The following CAND2 variants were observed in gnomAD, a reference collection of about 807,000 sequenced individuals.
The protein encoded by CAND2 is cullin-associated NEDD8-dissociated protein 2.
Under a neutral mutation model 98.9 loss-of-function variants are expected in CAND2, and 62 were observed. The observed-to-expected ratio is 0.63, with a 90% CI of 0.51 to 0.77. CAND2 has a LOEUF of 0.77. CAND2 is among the 30% of genes least tolerant of loss of function. The pLI is 0.00. For missense variants in CAND2, 1,501 were observed against 1,655.2 expected, an observed-to-expected ratio of 0.91 and a Z score of 1.62; for synonymous variants, 770 against 731.9, an observed-to-expected ratio of 1.05 and a Z score of -0.84.
Position 12,817,184 on chromosome 3 carries a change from C to G in CAND2, c.2252C>G (p.Ala751Gly). 6.2e-7 allele frequency: 1 copy of G among 1,613,242 alleles called. No homozygotes were observed. Among genetic ancestry groups the G allele is most frequent in the South Asian group, 1.1e-5 (1 of 91,074 alleles). ...LRLLRSPLLPAGVLAAAEGFL... is the reference protein window; with the variant it reads ...LRLLRSPLLPGGVLAAAEGFL... Reference sequence around the variant, plus strand: ...CTGCTGCGTTCGCCCCTGTTGCCAGCCGGGGTTCTGGCAGCTGCTGAAGGC... The same window carrying G: ...CTGCTGCGTTCGCCCCTGTTGCCAGGCGGGGTTCTGGCAGCTGCTGAAGGC... The change falls in exon 10 of 15, where the codon GCC becomes GGC. Residue 751 changes from alanine (A) to glycine (G), a missense_variant. Transcript: ENST00000456430.
intron 5 of CAND2, among the ~76,000 whole-genome samples, chr3:12,810,752 C>T (rs1169407138): frequency 6.6e-6 from 1 of 152,212 alleles, no homozygotes; most frequent in Non-Finnish European, 1.5e-5. Flanking sequence ...TTAGTAACAG[C>T]CCATGAGCCA....
intron 1 of CAND2, among the ~76,000 whole-genome samples, chr3:12,798,973 C>G (rs1474744168): frequency 6.6e-6 from 1 of 152,160 alleles, no homozygotes; most frequent in African/African-American, 2.4e-5. Flanking sequence ...ACCTTTGTTT[C>G]CTGTTCTTCC....
At chr3:12,823,830 A>G (rs4684115) in intron 11 of CAND2, among the ~76,000 whole-genome samples, 106,175 of 151,370 alleles carry the variant, frequency 0.7, 37,730 homozygotes, top group African/African-American at 0.82. Flanking sequence ...CCGGGAGATG[A>G]AGGTTGCAGT....
At position 12,813,292 on chromosome 3, in the gene CAND2, T is replaced by C; in HGVS notation, c.910T>C (p.Cys304Arg). ...GPHVPNVTSL[C>R]LQYIKHDPNY... Reference sequence around the variant, plus strand: ...TCACGTGCCCAACGTGACCAGCCTCTGCCTCCAATACATAAAACACGACCC... The same window carrying C: ...TCACGTGCCCAACGTGACCAGCCTCCGCCTCCAATACATAAAACACGACCC... Residue 304 changes from cysteine to arginine, a missense_variant, in exon 7 of 15, where the codon TGC becomes CGC. By Grantham distance (180) the Cys-to-Arg change is radical. Coordinates refer to ENST00000456430, the MANE Select transcript of CAND2 (RefSeq NM_001162499.2). 1.2e-6 allele frequency: 2 copies of C among 1,614,044 alleles called. No homozygotes were observed. The highest frequency in any genetic ancestry group is 2.2e-5 in the South Asian group (2 of 91,064).
rs955937933 is a variant in CAND2 at position 12,816,473 on chromosome 3, C to T, written c.1541C>T (p.Ala514Val). The change falls in exon 10 of 15, where the codon GCC becomes GTC. Residue 514 changes from alanine to valine, a missense_variant. Physicochemically the swap from Ala to Val is moderately conservative, Grantham distance 64. Around this residue, in one of 3 missense-constraint regions of CAND2, gnomAD observed 1,427 missense variants for 1,545.3 expected, o/e 0.92. Transcript: ENST00000456430. ...QGLLGTEPAE[A>V]FHPHLPILLP... ...CTGCTGGGCACCGAACCAGCTGAGG[C>T]CTTCCACCCACACTTGCCTATCCTC... is the stretch of plus-strand genomic sequence containing the variant. 5.0e-6 allele frequency: 8 copies of T among 1,613,978 alleles called. No individual in the cohort carries two copies. The highest frequency in any genetic ancestry group is 6.8e-6 in the Non-Finnish European group (8 of 1,179,984).
At position 12,810,256 on chromosome 3, in the gene CAND2, G is replaced by T; in HGVS notation, c.689G>T (p.Ser230Ile). 1 of 1,515,704 alleles carries T rather than the reference G, an allele frequency of 6.6e-7. No homozygotes were observed. The highest frequency in any genetic ancestry group is 8.8e-7 in the Non-Finnish European group (1 of 1,134,138). The allele number at this position is 1,515,704 out of a possible 1,614,324, so 93.9% of individuals were successfully genotyped here. A position where few individuals can be genotyped will look rare whatever the true frequency, so the allele number is the denominator to read the frequency against. Residue 230 changes from serine to isoleucine, a missense_variant, in exon 5 of 15, where the codon AGC becomes ATC. Around this residue, in one of 3 missense-constraint regions of CAND2, gnomAD observed 1,427 missense variants for 1,545.3 expected, o/e 0.92. Transcript: ENST00000456430. ...DRLPGPRVPT[S>I]PTAIRTLIQC... ...CTGCCCGGCCCGCGGGTGCCCACCA[G>T]CCCGACTGCCATCCGCACCCTGATC...
chr3:12,819,761 C>T, intron 10 of CAND2, among the ~76,000 whole-genome samples: 1 of 152,284 alleles, frequency 6.6e-6, no homozygotes, highest in South Asian at 2.1e-4. Flanking sequence ...TGTTAGGACT[C>T]ATTGAGATAA....
At chr3:12,825,060 T>C (rs530404403) in intron 11 of CAND2, among the ~76,000 whole-genome samples, 7 of 152,318 alleles carry the variant, frequency 4.6e-5, no homozygotes, top group African/African-American at 1.7e-4. Flanking sequence ...CCGTGCTGTG[T>C]GCCAGGCACT....
Position 12,813,277 on chromosome 3 carries a change from A to G in CAND2, c.895A>G (p.Asn299Asp). 6.2e-7 allele frequency: 1 copy of G among 1,613,864 alleles called. No homozygotes were observed. The highest frequency in any genetic ancestry group is 8.5e-7 in the Non-Finnish European group (1 of 1,179,988). Residue 299 changes from asparagine (N) to aspartate (D), a missense_variant, in exon 7 of 15, where the codon AAC becomes GAC. By Grantham distance (23) the Asn-to-Asp change is conservative (BLOSUM62 1). Transcript: ENST00000456430. ...CAAGGAAATGGGTCCTCACGTGCCC[A>G]ACGTGACCAGCCTCTGCCTCCAATA... is the stretch of plus-strand genomic sequence containing the variant. ...CPKEMGPHVP[N>D]VTSLCLQYIK...
At chr3:12,829,085 T>C (rs939598633) in intron 13 of CAND2, among the ~76,000 whole-genome samples, 4 of 152,220 alleles carry the variant, frequency 2.6e-5, no homozygotes, top group Non-Finnish European at 5.9e-5. Flanking sequence ...AATTGCTGGA[T>C]CATACGGCAA....
At chr3:12,810,559 C>T (rs1329792066) in intron 5 of CAND2, among the ~76,000 whole-genome samples, 1 of 152,186 alleles carries the variant, frequency 6.6e-6, no homozygotes, top group East Asian at 1.9e-4. Context: ...GCTTGAGAGG[C>T]GCAGGGCGGG....
At chr3:12,806,712 T>C (rs988606065) in intron 2 of CAND2, among the ~76,000 whole-genome samples, 2 of 152,200 alleles carry the variant, frequency 1.3e-5, no homozygotes, top group Admixed American at 6.5e-5. Flanking sequence ...TTCCTGTGCA[T>C]TGGAATCACC....
At chr3:12,822,605 A>G (rs2061966315) in intron 11 of CAND2, among the ~76,000 whole-genome samples, 1 of 151,970 alleles carries the variant, frequency 6.6e-6, no homozygotes, top group Non-Finnish European at 1.5e-5. Context: ...AGCCTCCATC[A>G]TTCTCTTAAG....
intron 1 of CAND2, among the ~76,000 whole-genome samples, chr3:12,799,058 G>A (rs749685733): frequency 6.6e-6 from 1 of 152,214 alleles, no homozygotes; most frequent in Non-Finnish European, 1.5e-5. Context: ...TACCCTTGCA[G>A]GTCTTGCAGG....
chr3:12,799,088 G>C (rs916427885), intron 1 of CAND2, among the ~76,000 whole-genome samples: 1 of 152,168 alleles, frequency 6.6e-6, no homozygotes, highest in African/African-American at 2.4e-5. Context: ...GTCATTTCTT[G>C]AAAACACAGT....
chr3:12,805,273 T>G (rs1039947994), intron 2 of CAND2, among the ~76,000 whole-genome samples: 5 of 147,564 alleles, frequency 3.4e-5, no homozygotes, highest in Non-Finnish European at 6.0e-5. Context: ...AGTGGCAAGA[T>G]TTTCTTTTTT....
At chr3:12,825,379 C>G (rs748373520) in intron 11 of CAND2, 91 bp from the exon 12 acceptor site, 2 of 1,299,772 alleles carry the variant, frequency 1.5e-6, no homozygotes, top group African/African-American at 1.5e-5. Context: ...CAGTTCTGCA[C>G]GTGCACAGTA....
intron 2 of CAND2, among the ~76,000 whole-genome samples, chr3:12,806,606 C>A (rs1009443656): frequency 2.0e-5 from 3 of 152,198 alleles, no homozygotes; most frequent in African/African-American, 7.2e-5. Flanking sequence ...AACTGAGACT[C>A]TCTGAGGGCA....
In CAND2 at chr3:12,833,883, T is replaced by C. The variant is rs1422390014; in HGVS notation, c.3612T>C (p.Ser1204=). The C allele has an allele frequency of 6.2e-7, 1 of 1,614,222 alleles. No individual in the cohort carries two copies. The highest frequency in any genetic ancestry group is 8.5e-7 in the Non-Finnish European group (1 of 1,180,034). Residue 1204 remains serine, a synonymous_variant, in exon 15 of 15, where the codon TCT becomes TCC. Coordinates refer to ENST00000456430, the MANE Select transcript of CAND2 (RefSeq NM_001162499.2). ...AAAGCCCCATCATGGCCGACTTCTC[T>C]TCCCAAATCAGATCCAACCCTGAAC... ...VGKSPIMADF[S]SQIRSNPELA... is the part of the protein sequence containing the mutation.
Sources: allele counts gnomAD v4.1 joint callset (sites outside exome capture counted in the v4.1 genomes callset), GRCh38; gene constraint gnomAD v4.1.1; regional missense constraint gnomAD v4.1.1; transcripts MANE v1.5; gene names NCBI Gene and HGNC (gene_info 2026-07-23, HGNC 2026-07-21).